Variants in NRXN3 observed in about 807,000 individuals in gnomAD.
NRXN3 encodes neurexin III.
A neutral mutation model predicts 137.6 loss-of-function variants in NRXN3; 32 were observed. The ratio of observed to expected loss-of-function variants is 0.23; its 90% CI spans 0.18 to 0.31. The LOEUF (loss-of-function observed/expected upper bound fraction) is 0.31. Ranked by LOEUF, NRXN3 falls within the 10% of genes least tolerant of loss-of-function variation. The probability of loss-of-function intolerance (pLI) is 1.00; values close to 1 mark genes in which losing one functional copy is unlikely to be tolerated. For synonymous variants in NRXN3, 798 were observed against 784.5 expected (o/e 1.02, Z -0.29); for missense variants, 1,574 against 2,062.5 (o/e 0.76, Z 4.59).
At chr14:79,682,760 G>T (rs2098677009) in intron 17 of NRXN3, among the ~76,000 whole-genome samples, 1 of 151,792 alleles carries the variant, frequency 6.6e-6, no homozygotes, top group Non-Finnish European at 1.5e-5. Context: ...AAAAATGATG[G>T]GCTCCTTCTC....
intron 15 of NRXN3, among the ~76,000 whole-genome samples, chr14:79,387,171 T>C (rs1309344300): frequency 2.8e-4 from 42 of 151,306 alleles, no homozygotes; most frequent in East Asian, 7.8e-4. Context: ...AGGCAACCTA[T>C]AGAATGGGAG....
intron 17 of NRXN3, among the ~76,000 whole-genome samples, chr14:79,688,673 TG>T (rs1467579295): frequency 6.6e-6 from 1 of 152,204 alleles, no homozygotes; most frequent in East Asian, 1.9e-4. Flanking sequence ...GAGGTTGGAG[TG>T]TAAAGGTTGG....
intron 10 of NRXN3, among the ~76,000 whole-genome samples, chr14:78,862,751 C>T (rs2099076117): frequency 6.6e-6 from 1 of 151,916 alleles, no homozygotes; most frequent in Non-Finnish European, 1.5e-5. Flanking sequence ...AAGTAGATAA[C>T]ACAGGATTTA....
chr14:78,371,660 G>A (rs1014353222), intron 4 of NRXN3, among the ~76,000 whole-genome samples: 134 of 152,224 alleles, frequency 8.8e-4, no homozygotes, highest in African/African-American at 3.1e-3. Context: ...CCCTGGCCCC[G>A]ACACCCACTC....
chr14:78,853,929 A>G (rs903052551), intron 10 of NRXN3, among the ~76,000 whole-genome samples: 3 of 152,200 alleles, frequency 2.0e-5, no homozygotes, highest in African/African-American at 7.2e-5. Flanking sequence ...TTCTTAAAGC[A>G]TTACAGCAGA....
intron 15 of NRXN3, among the ~76,000 whole-genome samples, chr14:79,158,812 T>C (rs1036473842): frequency 6.6e-5 from 10 of 151,852 alleles, no homozygotes; most frequent in African/African-American, 2.4e-4. Context: ...TACTAATGCA[T>C]TCTTTTTGAC....
rs75552472 is a variant in NRXN3, at chr14:79,836,539, T to C, written c.4094-24803T>C. Among the ~76,000 whole-genome samples, 1,173 of 152,284 alleles carry C rather than the reference T, an allele frequency of 7.7e-3. 12 individuals carry two copies. Among genetic ancestry groups the C allele is most frequent in the African/African-American group, 0.027 (1,114 of 41,558 alleles). On this transcript the variant is annotated intron_variant, in intron 20 of 20. Coordinates refer to ENST00000335750, the MANE Select transcript of NRXN3 (RefSeq NM_001330195.2). ...CCGAACTATGCTTCTCAAAAATCTT[T>C]CTTTTGTTTGGCCACCTTTATAATA... is the stretch of plus-strand genomic sequence containing the variant.
At chr14:79,074,044 A>G (rs1327752650) in intron 15 of NRXN3, among the ~76,000 whole-genome samples, 2 of 152,200 alleles carry the variant, frequency 1.3e-5, no homozygotes, top group African/African-American at 4.8e-5. Context: ...GTTTACCTGC[A>G]TTGTTCACAT....
intron 15 of NRXN3, among the ~76,000 whole-genome samples, chr14:79,414,529 A>C (rs1441282271): frequency 6.6e-6 from 1 of 152,148 alleles, no homozygotes; most frequent in Non-Finnish European, 1.5e-5. Context: ...CGTAGCAAAA[A>C]ATGTAGAGAG....
chr14:78,220,845 G>A (rs999939924), intron 1 of NRXN3, among the ~76,000 whole-genome samples: 7 of 151,922 alleles, frequency 4.6e-5, no homozygotes, highest in Admixed American at 3.9e-4. Context: ...GGGGAGAGAA[G>A]CACAGGCCTT....
chr14:79,724,245 A>AT (rs1464611845), intron 19 of NRXN3, among the ~76,000 whole-genome samples: 6 of 152,134 alleles, frequency 3.9e-5, no homozygotes, highest in Admixed American at 3.3e-4. Context: ...AGTCTGCCAA[A>AT]AAGATGTCCC....
intron 10 of NRXN3, among the ~76,000 whole-genome samples, chr14:78,827,753 GTC>G (rs2098971062): frequency 1.3e-5 from 2 of 152,238 alleles, no homozygotes; most frequent in Admixed American, 1.3e-4. Context: ...CTACTCAGCT[GTC>G]TCAGCCTCAT....
rs2099071444 is a variant in NRXN3 at position 78,861,203 on chromosome 14, C to A, written c.2275+50859C>A. ...TATGTTATATGAAATACAACTTTTACAAGTTGTTTTACAGTTTGTGTTATA... is the reference window on the plus strand; with the variant it reads ...TATGTTATATGAAATACAACTTTTAAAAGTTGTTTTACAGTTTGTGTTATA... On this transcript the variant is annotated intron_variant, in intron 10 of 20. Coordinates refer to ENST00000335750, the MANE Select transcript of NRXN3 (RefSeq NM_001330195.2). Among the ~76,000 whole-genome samples, 3 of 152,024 alleles carry A rather than the reference C, an allele frequency of 2.0e-5. No homozygotes were observed. The South Asian group carries it at 6.2e-4, about 31-fold the overall frequency.
intron 17 of NRXN3, among the ~76,000 whole-genome samples, chr14:79,674,865 T>C (rs1445965750): frequency 2.0e-5 from 3 of 152,082 alleles, no homozygotes; most frequent in Non-Finnish European, 2.9e-5. Flanking sequence ...AGTGGTGAAA[T>C]CTTCATTCCA....
At chr14:78,362,855 G>A (rs2085339924) in intron 4 of NRXN3, among the ~76,000 whole-genome samples, 1 of 152,066 alleles carries the variant, frequency 6.6e-6, no homozygotes, top group African/African-American at 2.4e-5. Flanking sequence ...TACTGTTGAG[G>A]GACACGTTTT....
At chr14:78,737,542 A>G (rs1165406293) in intron 8 of NRXN3, among the ~76,000 whole-genome samples, 2 of 152,150 alleles carry the variant, frequency 1.3e-5, no homozygotes, top group African/African-American at 2.4e-5. Flanking sequence ...AGCTGCACAC[A>G]GACAGCTCTG....
At chr14:79,758,991 T>TCTACTAAACATTTTCAGTATTA (rs1237292351) in intron 19 of NRXN3, among the ~76,000 whole-genome samples, 4 of 152,182 alleles carry the variant, frequency 2.6e-5, no homozygotes, top group African/African-American at 9.7e-5. Context: ...ATCCTCTTAT[T>TCTACTAAACATTTTCAGTATTA]CTACTAAACA....
chr14:78,941,377 A>T (rs959222984), intron 10 of NRXN3, among the ~76,000 whole-genome samples: 4 of 152,122 alleles, frequency 2.6e-5, no homozygotes, highest in Non-Finnish European at 5.9e-5. Context: ...GCTGGCAGGG[A>T]TTCACCTTTC....
intron 16 of NRXN3, among the ~76,000 whole-genome samples, chr14:79,626,505 A>T (rs1386026714): frequency 6.6e-6 from 1 of 152,136 alleles, no homozygotes; most frequent in African/African-American, 2.4e-5. Context: ...TCAAGAAGAG[A>T]AATGGAAATA....
Sources: allele counts gnomAD v4.1 joint callset (sites outside exome capture counted in the v4.1 genomes callset), GRCh38; gene constraint gnomAD v4.1.1; transcripts MANE v1.5; gene names NCBI Gene and HGNC (gene_info 2026-07-23, HGNC 2026-07-21).